KATNIP: variants seen among roughly 807,000 people sequenced by gnomAD.
KATNIP encodes the protein katanin-interacting protein.
KATNIP carries 126 observed loss-of-function variants against 174.0 expected under a neutral mutation model. The observed-to-expected ratio is 0.72, with a 90% CI of 0.63 to 0.84. KATNIP has a LOEUF of 0.84. Among genes scored for constraint, KATNIP ranks in the 40% least tolerant of loss-of-function variants. The probability of loss-of-function intolerance (pLI) is 0.00; values close to 1 mark genes in which losing one functional copy is unlikely to be tolerated. For missense variants in KATNIP, 1,958 were observed against 2,109.7 expected (o/e 0.93, Z 1.41); for synonymous variants, 810 against 835.7 (o/e 0.97, Z 0.53).
rs184929168 is a variant in KATNIP at position 27,647,710 on chromosome 16, G to A, written c.409-894G>A. 2.7e-3 allele frequency among the ~76,000 whole-genome samples: 406 copies of A among 152,172 alleles called. 2 individuals carry two copies. Among genetic ancestry groups the A allele is most frequent in the Admixed American group, 4.6e-3 (71 of 15,284 alleles). Reference sequence around the variant, plus strand: ...AGTAGAGATGGGGTTTCTCCATCTTGGTCAGGCTGGTCTCGAACTCCTGAC... The same window carrying A: ...AGTAGAGATGGGGTTTCTCCATCTTAGTCAGGCTGGTCTCGAACTCCTGAC... On this transcript the variant is annotated intron_variant, in intron 5 of 27. Transcript: ENST00000261588.
At chr16:27,717,156 T>G (rs989260885) in intron 13 of KATNIP, among the ~76,000 whole-genome samples, 1 of 152,154 alleles carries the variant, frequency 6.6e-6, no homozygotes, top group African/African-American at 2.4e-5. Context: ...TATGTAGCAT[T>G]TATGTCATTA....
chr16:27,700,926 G>A (rs946846722), intron 10 of KATNIP, among the ~76,000 whole-genome samples: 1 of 152,138 alleles, frequency 6.6e-6, no homozygotes, highest in Non-Finnish European at 1.5e-5. Flanking sequence ...GCCCAGGTCC[G>A]GAATTTCTGA....
chr16:27,703,915 A>T lies in KATNIP; in HGVS notation c.1306A>T (p.Lys436Ter). The T allele has an allele frequency of 2.5e-6, 4 of 1,614,198 alleles. No individual in the cohort carries two copies. Among genetic ancestry groups the T allele is most frequent in the Non-Finnish European group, 3.4e-6 (4 of 1,180,008 alleles). Residue 436 changes from lysine to a stop codon, truncating the protein, a stop_gained, in exon 12 of 28, where the codon AAA becomes TAA. Transcript: ENST00000261588. LOFTEE classifies it high-confidence loss of function. The stretch of plus-strand genomic sequence containing the variant: ...TTTCAGACAACAGCAGAAGCTTCTG[A>T]AAGTCCTCCAGGCCGTCGAAAGTGA... ...LGSRQQQKLL[K>*]VLQAVESDSA...
At chr16:27,650,288 A>C (rs1006789687) in intron 6 of KATNIP, among the ~76,000 whole-genome samples, 15 of 152,318 alleles carry the variant, frequency 9.8e-5, no homozygotes, top group African/African-American at 3.6e-4. Flanking sequence ...ATGCAGGCAC[A>C]GTGTGAACAA....
intron 20 of KATNIP, 142 bp from the exon 21 acceptor site, chr16:27,769,719 G>A: frequency 3.2e-6 from 3 of 951,122 alleles, no homozygotes; most frequent in Non-Finnish European, 4.8e-6. Flanking sequence ...CACCTGATAT[G>A]GGAAATGGAC....
chr16:27,578,057 T>G (rs2090563925), intron 2 of KATNIP, among the ~76,000 whole-genome samples: 1 of 152,160 alleles, frequency 6.6e-6, no homozygotes, highest in Non-Finnish European at 1.5e-5. Context: ...CCAAACCAGT[T>G]AGGTCAAAAT....
chr16:27,567,216 T>C (rs2090125659), intron 1 of KATNIP, among the ~76,000 whole-genome samples: 1 of 152,092 alleles, frequency 6.6e-6, no homozygotes, highest in Non-Finnish European at 1.5e-5. Context: ...GATGGGAGAG[T>C]CTTTAGCATT....
intron 8 of KATNIP, among the ~76,000 whole-genome samples, chr16:27,690,981 T>TA (rs1268386455): frequency 3.3e-5 from 5 of 152,156 alleles, no homozygotes; most frequent in African/African-American, 1.2e-4. Context: ...TCAATTTTTC[T>TA]AAAAAAGTGA....
At chr16:27,550,359 T>C (rs1243371016) in intron 1 of KATNIP, among the ~76,000 whole-genome samples, 182 bp downstream of exon 1, 1 of 151,484 alleles carries the variant, frequency 6.6e-6, no homozygotes, top group South Asian at 2.1e-4. Flanking sequence ...CCTGGGGGAG[T>C]GGTCAGTGCT....
chr16:27,646,921 A>G (rs983292324), intron 5 of KATNIP, among the ~76,000 whole-genome samples: 4 of 152,136 alleles, frequency 2.6e-5, no homozygotes, highest in Non-Finnish European at 4.4e-5. Flanking sequence ...CCACCTCCCC[A>G]TTGCAGCTGG....
chr16:27,770,104 AG>A, intron 21 of KATNIP, 86 bp downstream of exon 21: 2 of 1,450,976 alleles, frequency 1.4e-6, no homozygotes, highest in African/African-American at 1.4e-5. Context: ...ACATTCCGAA[AG>A]GGTTTTGAAA....
At chr16:27,612,581 A>G (rs548535221) in intron 2 of KATNIP, among the ~76,000 whole-genome samples, 2 of 152,168 alleles carry the variant, frequency 1.3e-5, no homozygotes, top group East Asian at 3.9e-4. Context: ...CAACATGGTG[A>G]AACCCCGTCT....
intron 2 of KATNIP, among the ~76,000 whole-genome samples, chr16:27,609,481 C>T (rs538810939): frequency 6.6e-6 from 1 of 150,552 alleles, no homozygotes; most frequent in Non-Finnish European, 1.5e-5. Flanking sequence ...AGCTCCACCT[C>T]CCAGGTTCAT....
At chr16:27,743,823 A>G (rs1000469106) in intron 15 of KATNIP, among the ~76,000 whole-genome samples, 3 of 152,220 alleles carry the variant, frequency 2.0e-5, no homozygotes, top group Non-Finnish European at 4.4e-5. Context: ...ACCCTATAGT[A>G]GTCACGGCCT....
chr16:27,623,626 A>ATT (rs1343342754), intron 3 of KATNIP, among the ~76,000 whole-genome samples: 2 of 151,944 alleles, frequency 1.3e-5, no homozygotes, highest in Non-Finnish European at 2.9e-5. Context: ...CATCCAGCTA[A>ATT]TTTTTTTAAT....
chr16:27,778,653 C>T lies in KATNIP; in HGVS notation c.*24C>T, dbSNP rs752898902. 5.0e-6 allele frequency: 8 copies of T among 1,610,384 alleles called. No individual in the cohort carries two copies. The highest frequency in any genetic ancestry group is 1.3e-5 in the African/African-American group (1 of 74,856). Reference sequence around the variant, plus strand: ...GACTGGTGAAGGAGGGAGAGCTGGTCCTCCCACTATGGTGGGCTCCGTCAG... The same window carrying T: ...GACTGGTGAAGGAGGGAGAGCTGGTTCTCCCACTATGGTGGGCTCCGTCAG... On this transcript the variant is annotated 3_prime_UTR_variant, in exon 28 of 28. Transcript: ENST00000261588.
chr16:27,654,134 C>T (rs2077197071), intron 6 of KATNIP, among the ~76,000 whole-genome samples: 1 of 152,156 alleles, frequency 6.6e-6, no homozygotes. Context: ...TGCCAACACA[C>T]CTGGCTAATT....
At chr16:27,688,818 A>G (rs1307208562) in intron 8 of KATNIP, among the ~76,000 whole-genome samples, 1 of 152,108 alleles carries the variant, frequency 6.6e-6, no homozygotes, top group Non-Finnish European at 1.5e-5. Context: ...TTCCTTTACT[A>G]TCTGCTTTGC....
intron 3 of KATNIP, among the ~76,000 whole-genome samples, chr16:27,620,739 G>C (rs1287637338): frequency 6.9e-6 from 1 of 145,800 alleles, no homozygotes; most frequent in Non-Finnish European, 1.5e-5. Flanking sequence ...AACCCGAGAA[G>C]GGGGGATGTA....
Sources: gnomAD v4.1 joint callset for allele counts (sites outside exome capture counted in the v4.1 genomes callset) on GRCh38, gnomAD v4.1.1 for gene constraint, MANE v1.5 for transcripts, NCBI Gene and HGNC (gene_info 2026-07-23, HGNC 2026-07-21) for gene names.